Variants in MYO1D observed in about 807,000 individuals in gnomAD.
MYO1D encodes the protein myosin ID, also known as unconventional myosin-Id.
In MYO1D, 83 loss-of-function variants were observed where a neutral mutation model predicts 122.0. That is an observed-to-expected ratio of 0.68 (90% confidence interval 0.57 to 0.82). The LOEUF (loss-of-function observed/expected upper bound fraction) is 0.82, where lower values mean the gene tolerates loss of function less well. Among genes scored for constraint, MYO1D ranks in the 40% least tolerant of loss-of-function variants. MYO1D has a pLI of 0.00. For missense variants in MYO1D, 1,157 were observed against 1,269.5 expected, an observed-to-expected ratio of 0.91 and a Z score of 1.35; for synonymous variants, 464 against 446.9, an observed-to-expected ratio of 1.04 and a Z score of -0.48.
At chr17:32,576,088 C>T (rs1474616191) in intron 21 of MYO1D, among the ~76,000 whole-genome samples, 1 of 152,122 alleles carries the variant, frequency 6.6e-6, no homozygotes, top group Non-Finnish European at 1.5e-5. Context: ...AGAACAAAAT[C>T]AGAGTAAAAT....
chr17:32,801,298 A>G (rs1230305341), intron 1 of MYO1D, among the ~76,000 whole-genome samples: 3 of 152,240 alleles, frequency 2.0e-5, no homozygotes, highest in Non-Finnish European at 4.4e-5. Flanking sequence ...ACTTTGTCTC[A>G]AGATTTTGCT....
chr17:32,628,715 G>A (rs2087960519), intron 20 of MYO1D, among the ~76,000 whole-genome samples: 1 of 151,944 alleles, frequency 6.6e-6, no homozygotes, highest in Non-Finnish European at 1.5e-5. Flanking sequence ...CTATTAGAAT[G>A]GCCAAAATAA....
chr17:32,753,955 T>C (rs1378726242), intron 11 of MYO1D, among the ~76,000 whole-genome samples: 1 of 152,122 alleles, frequency 6.6e-6, no homozygotes, highest in Non-Finnish European at 1.5e-5. Flanking sequence ...TTGACACATT[T>C]AATTCAGGTA....
intron 10 of MYO1D, among the ~76,000 whole-genome samples, chr17:32,759,283 A>G (rs2089977348): frequency 1.3e-5 from 2 of 152,114 alleles, no homozygotes; most frequent in South Asian, 4.1e-4. Flanking sequence ...TCTAACGTTT[A>G]ACACATGATG....
intron 21 of MYO1D, among the ~76,000 whole-genome samples, chr17:32,548,058 G>A (rs1207366356): frequency 6.6e-6 from 1 of 152,054 alleles, no homozygotes; most frequent in Non-Finnish European, 1.5e-5. Flanking sequence ...CATTGCAGTT[G>A]CTATAGAACC....
intron 1 of MYO1D, among the ~76,000 whole-genome samples, chr17:32,822,527 T>A (rs2090678395): frequency 6.8e-6 from 1 of 147,700 alleles, no homozygotes; most frequent in Non-Finnish European, 1.5e-5. Flanking sequence ...TCCCGCCTCC[T>A]CCCCGTTCAC....
intron 14 of MYO1D, among the ~76,000 whole-genome samples, chr17:32,735,156 T>C (rs966734357): frequency 3.3e-5 from 5 of 151,778 alleles, no homozygotes; most frequent in Non-Finnish European, 7.4e-5. Flanking sequence ...TCATCTATTA[T>C]GTGGTCAATT....
intron 21 of MYO1D, among the ~76,000 whole-genome samples, chr17:32,573,051 C>T (rs1020215220): frequency 1.4e-5 from 2 of 146,820 alleles, no homozygotes; most frequent in South Asian, 2.2e-4. Context: ...ACCTTCTATG[C>T]GTGGCACATA....
At chr17:32,592,442 T>C (rs1382367746) in intron 21 of MYO1D, among the ~76,000 whole-genome samples, 2 of 152,256 alleles carry the variant, frequency 1.3e-5, no homozygotes, top group East Asian at 3.8e-4. Context: ...TGTGTAGAGT[T>C]ATTAATTGTT....
intron 21 of MYO1D, among the ~76,000 whole-genome samples, chr17:32,565,053 G>C (rs1343496753): frequency 6.6e-6 from 1 of 152,186 alleles, no homozygotes; most frequent in African/African-American, 2.4e-5. Context: ...ACCCAGGCTG[G>C]AGTGTAGTGG....
At chr17:32,838,198 C>T (rs566505083) in intron 1 of MYO1D, among the ~76,000 whole-genome samples, 1 of 152,038 alleles carries the variant, frequency 6.6e-6, no homozygotes, top group Admixed American at 6.6e-5. Flanking sequence ...CCTTAGCAAC[C>T]TTTTTGGGGG....
At chr17:32,606,735 A>G (rs1186687912) in intron 20 of MYO1D, among the ~76,000 whole-genome samples, 1 of 152,268 alleles carries the variant, frequency 6.6e-6, no homozygotes, top group Non-Finnish European at 1.5e-5. Context: ...GCCACAGCTA[A>G]CATCATACTT....
intron 16 of MYO1D, among the ~76,000 whole-genome samples, chr17:32,687,504 G>T (rs2089035197): frequency 6.6e-6 from 1 of 152,054 alleles, no homozygotes; most frequent in South Asian, 2.1e-4. Flanking sequence ...GCCTCGCCTG[G>T]CTAATTTTTA....
At chr17:32,779,812 T>G (rs2090216599) in intron 2 of MYO1D, among the ~76,000 whole-genome samples, 1 of 152,124 alleles carries the variant, frequency 6.6e-6, no homozygotes, top group African/African-American at 2.4e-5. Flanking sequence ...AGTAGAAAAA[T>G]AACTGTTCTA....
At chr17:32,859,938 A>G (rs1348406295) in intron 1 of MYO1D, among the ~76,000 whole-genome samples, 2 of 152,194 alleles carry the variant, frequency 1.3e-5, no homozygotes, top group Non-Finnish European at 2.9e-5. Context: ...GAAATCTATC[A>G]TCAGCGCCTG....
At chr17:32,687,195 ATTT>A (rs371967017) in intron 16 of MYO1D, among the ~76,000 whole-genome samples, 2 of 131,922 alleles carry the variant, frequency 1.5e-5, no homozygotes, top group African/African-American at 2.9e-5. Context: ...TGCCTGGCTA[ATTT>A]TTTTTTTTTT....
intron 21 of MYO1D, among the ~76,000 whole-genome samples, chr17:32,548,837 C>T (rs1273822066): frequency 6.6e-6 from 1 of 151,758 alleles, no homozygotes; most frequent in East Asian, 1.9e-4. Context: ...CCTCAGCCTC[C>T]CAAGTAGCTG....
intron 14 of MYO1D, among the ~76,000 whole-genome samples, chr17:32,721,974 T>G (rs537508451): frequency 2.0e-4 from 30 of 152,364 alleles, no homozygotes; most frequent in African/African-American, 6.5e-4. Context: ...GAATCTGTTA[T>G]CTATCAGACA....
intron 1 of MYO1D, among the ~76,000 whole-genome samples, chr17:32,797,735 G>A (rs939512974): frequency 3.9e-5 from 6 of 152,156 alleles, no homozygotes. Flanking sequence ...TTGTAGTCGT[G>A]ACAAGAGACA....
Sources: allele counts gnomAD v4.1 joint callset (sites outside exome capture counted in the v4.1 genomes callset), GRCh38; gene constraint gnomAD v4.1.1; transcripts MANE v1.5; gene names NCBI Gene and HGNC (gene_info 2026-07-23, HGNC 2026-07-21).